The following CHODL variants were observed in gnomAD, a reference collection of about 807,000 sequenced individuals.
CHODL encodes transmembrane protein MT75.
In CHODL, 29 loss-of-function variants were observed where a neutral mutation model predicts 34.5. The ratio of observed to expected loss-of-function variants is 0.84; its 90% CI spans 0.63 to 1.15. CHODL has a LOEUF of 1.15. Ranked by LOEUF, CHODL falls within the 50% of genes most tolerant of loss-of-function variation. CHODL has a pLI of 0.00. For synonymous variants in CHODL, 125 were observed against 116.1 expected (o/e 1.08, Z -0.49); for missense variants, 332 against 332.5 (o/e 1.00, Z 0.01).
chr21:18,139,075 A>G (rs2072771293), intron 2 of CHODL, among the ~76,000 whole-genome samples: 1 of 152,110 alleles, frequency 6.6e-6, no homozygotes, highest in South Asian at 2.1e-4. Flanking sequence ...GCGCATGAGT[A>G]TGTGTAAAAG....
chr21:18,213,688 T>A lies in CHODL; in HGVS notation c.-44-42821T>A, dbSNP rs116164658. 3.6e-3 allele frequency among the ~76,000 whole-genome samples: 549 copies of A among 152,198 alleles called. 4 individuals carry two copies. Among genetic ancestry groups the A allele is most frequent in the African/African-American group, 0.013 (531 of 41,552 alleles). ...TACTAAGAACTTGGGGTCATCTGAT[T>A]GAATTATGGCTGGGTATCTTCAAAG... On this transcript the variant is annotated intron_variant, in intron 2 of 6. Transcript: ENST00000400127.
intron 1 of CHODL, among the ~76,000 whole-genome samples, chr21:18,004,802 G>A (rs958817912): frequency 6.7e-6 from 1 of 149,860 alleles, no homozygotes; most frequent in African/African-American, 2.5e-5. Flanking sequence ...TTGCAACATT[G>A]TTGCAAAGAT....
chr21:17,922,762 C>T (rs556962937), intron 1 of CHODL, among the ~76,000 whole-genome samples: 20 of 152,220 alleles, frequency 1.3e-4, no homozygotes, highest in East Asian at 5.8e-4. Context: ...CTAAAGGTTG[C>T]GAACTCTGAA....
At chr21:18,246,696 TA>T (rs2074146169) in intron 1 of CHODL, among the ~76,000 whole-genome samples, 1 of 152,222 alleles carries the variant, frequency 6.6e-6, no homozygotes, top group African/African-American at 2.4e-5. Flanking sequence ...GCTTTGAACA[TA>T]AGATGTTTTT....
chr21:17,973,822 C>T (rs529034415), intron 1 of CHODL, among the ~76,000 whole-genome samples: 1 of 149,690 alleles, frequency 6.7e-6, no homozygotes, highest in South Asian at 2.1e-4. Flanking sequence ...AAAAAAGGAC[C>T]TCAGAAAAGG....
At chr21:18,000,979 C>G (rs1178467745) in intron 1 of CHODL, among the ~76,000 whole-genome samples, 1 of 151,892 alleles carries the variant, frequency 6.6e-6, no homozygotes, top group African/African-American at 2.4e-5. Context: ...TACTTTTTAC[C>G]TTTGTTTTTA....
chr21:18,260,271 G>A lies in CHODL; in HGVS notation c.619G>A (p.Val207Ile). Residue 207 changes from valine to isoleucine, a missense_variant, in exon 4 of 6, where the codon GTT becomes ATT. Val to Ile is a conservative substitution (Grantham distance 29). Coordinates refer to ENST00000299295, the MANE Select transcript of CHODL (RefSeq NM_024944.3). ...ACCAGGAGACACCCATCAGAATGTG[G>A]TTGTTACTGAAGCAGGTAATTACTT... ...NQPGDTHQNV[V>I]VTEAGIIPNL... is the part of the protein sequence containing the mutation. The A allele has an allele frequency of 1.3e-6, 2 of 1,588,532 alleles. No individual in the cohort carries two copies. Among genetic ancestry groups the A allele is most frequent in the Non-Finnish European group, 1.7e-6 (2 of 1,168,622 alleles).
At position 18,003,198 on chromosome 21, in the gene CHODL, G is replaced by A. The variant is rs925329831; in HGVS notation, c.-144-24674G>A. 2.7e-5 allele frequency among the ~76,000 whole-genome samples: 4 copies of A among 150,430 alleles called. 1 individual carries two copies. Among genetic ancestry groups the A allele is most frequent in the Admixed American group, 2.6e-4 (4 of 15,118 alleles). ...TCACTAGCTTTATCTAGTTTCTCGT[G>A]CATTTCTCTTTTCTCCCTTAATGTT... On this transcript the variant is annotated intron_variant, in intron 1 of 6. Transcript: ENST00000400127.
At chr21:18,003,044 A>T (rs34688733) in intron 1 of CHODL, among the ~76,000 whole-genome samples, 22,190 of 148,286 alleles carry the variant, frequency 0.15, 1,728 homozygotes, top group South Asian at 0.29. Flanking sequence ...AATGGCGTGA[A>T]CCCCGGGGGG....
chr21:18,188,161 C>A (rs1377767452), intron 2 of CHODL, among the ~76,000 whole-genome samples: 4 of 151,862 alleles, frequency 2.6e-5, no homozygotes, highest in Non-Finnish European at 5.9e-5. Flanking sequence ...CATCACAATA[C>A]CCTAAACTTT....
chr21:17,928,550 G>A lies in CHODL; in HGVS notation c.-145+11150G>A, dbSNP rs182113669. Reference sequence around the variant, plus strand: ...TGAGCATGGTACGTTTTAGAAAACAGATTAGAAAATAACTGCAAATTGGGT... The same window carrying A: ...TGAGCATGGTACGTTTTAGAAAACAAATTAGAAAATAACTGCAAATTGGGT... On this transcript the variant is annotated intron_variant, in intron 1 of 6. Transcript: ENST00000400127. 4.0e-4 allele frequency among the ~76,000 whole-genome samples: 61 copies of A among 152,282 alleles called. 1 individual carries two copies. Among genetic ancestry groups the A allele is most frequent in the African/African-American group, 1.2e-3 (51 of 41,572 alleles).
chr21:17,961,333 T>G (rs2063530938), intron 1 of CHODL, among the ~76,000 whole-genome samples: 1 of 152,236 alleles, frequency 6.6e-6, no homozygotes, highest in African/African-American at 2.4e-5. Context: ...TGGCCCGCAG[T>G]GAGCATCTTG....
chr21:18,036,537 T>C (rs1026723389), intron 2 of CHODL, among the ~76,000 whole-genome samples: 1 of 152,074 alleles, frequency 6.6e-6, no homozygotes, highest in African/African-American at 2.4e-5. Flanking sequence ...CCCTGCACTG[T>C]GGCCTGGAAA....
intron 2 of CHODL, among the ~76,000 whole-genome samples, chr21:18,181,472 G>A (rs2073380763): frequency 1.3e-5 from 2 of 152,066 alleles, no homozygotes; most frequent in East Asian, 3.9e-4. Flanking sequence ...GCGGGATCTC[G>A]GCTCACTGCA....
intron 1 of CHODL, among the ~76,000 whole-genome samples, chr21:17,968,824 T>C (rs1357328488): frequency 2.6e-5 from 4 of 152,220 alleles, no homozygotes; most frequent in African/African-American, 7.2e-5. Flanking sequence ...TCCCCTGTAC[T>C]TGGAACATAT....
intron 2 of CHODL, among the ~76,000 whole-genome samples, chr21:18,122,940 G>T (rs115189600): frequency 6.6e-6 from 1 of 152,118 alleles, no homozygotes; most frequent in Non-Finnish European, 1.5e-5. Context: ...GTTTGTGTAC[G>T]TTTACACAAT....
chr21:17,918,245 G>A (rs1339041411), intron 1 of CHODL, among the ~76,000 whole-genome samples: 9 of 151,988 alleles, frequency 5.9e-5, no homozygotes, highest in African/African-American at 2.2e-4. Flanking sequence ...CTCTGACCTT[G>A]GGTGAATTAC....
In CHODL at chr21:18,135,619, T is replaced by A. The variant is rs1190194448; in HGVS notation, c.-45+107648T>A. On this transcript the variant is annotated intron_variant, in intron 2 of 6. Transcript: ENST00000400127. ...CTACCCTGCCATTATCTCTGAGATG[T>A]CACAGCAGTCAAATCTACCTCTATC... Among the ~76,000 whole-genome samples, 3 of 152,304 alleles carry A rather than the reference T, an allele frequency of 2.0e-5. No homozygotes were observed. In the East Asian group the frequency reaches 5.8e-4, roughly 29 times the overall value.
intron 2 of CHODL, among the ~76,000 whole-genome samples, chr21:18,148,911 GC>G (rs2072932002): frequency 6.7e-6 from 1 of 149,766 alleles, no homozygotes; most frequent in Non-Finnish European, 1.5e-5. Context: ...GTCTGATGGA[GC>G]CCTTTTTTTA....
Sources: allele counts gnomAD v4.1 joint callset (sites outside exome capture counted in the v4.1 genomes callset), GRCh38; gene constraint gnomAD v4.1.1; transcripts MANE v1.5; gene names NCBI Gene and HGNC (gene_info 2026-07-23, HGNC 2026-07-21).